LTBP1: variants seen among roughly 807,000 people sequenced by gnomAD.
LTBP1 encodes latent transforming growth factor beta binding protein 1.
Under a neutral mutation model 207.6 loss-of-function variants are expected in LTBP1, and 129 were observed. The observed-to-expected ratio is 0.62, with a 90% CI of 0.54 to 0.72. The LOEUF is 0.72. Among genes scored for constraint, LTBP1 ranks in the 30% least tolerant of loss-of-function variants. The pLI is 0.00. For missense variants in LTBP1, 2,281 were observed against 2,217.2 expected, an observed-to-expected ratio of 1.03 and a Z score of -0.58; for synonymous variants, 963 against 833.7, an observed-to-expected ratio of 1.16 and a Z score of -2.67.
intron 5 of LTBP1, among the ~76,000 whole-genome samples, chr2:33,160,027 C>A (rs765763402): frequency 6.6e-6 from 1 of 152,028 alleles, no homozygotes; most frequent in Non-Finnish European, 1.5e-5. Context: ...CATAGGCACC[C>A]GCCACCACAC....
intron 18 of LTBP1, among the ~76,000 whole-genome samples, chr2:33,277,829 CTTTTT>C (rs199950784): frequency 2.0e-4 from 17 of 85,108 alleles, no homozygotes; most frequent in South Asian, 3.8e-4. Context: ...TTCTTTCTTT[CTTTTT>C]TTTTTTTTTT....
intron 4 of LTBP1, among the ~76,000 whole-genome samples, chr2:33,130,619 C>T (rs1277274743): frequency 1.3e-5 from 2 of 152,212 alleles, no homozygotes; most frequent in East Asian, 3.9e-4. Flanking sequence ...ATCGGCTTCA[C>T]TTCCATCCCA....
chr2:33,227,951 C>T (rs778914767), intron 9 of LTBP1, among the ~76,000 whole-genome samples: 3 of 151,606 alleles, frequency 2.0e-5, no homozygotes, highest in African/African-American at 2.4e-5. Flanking sequence ...ACTATAGGCG[C>T]GCACCACCAT....
At chr2:32,974,336 C>T (rs934662504) in intron 2 of LTBP1, among the ~76,000 whole-genome samples, 3 of 152,164 alleles carry the variant, frequency 2.0e-5, no homozygotes, top group African/African-American at 7.2e-5. Context: ...ATTAGCATTT[C>T]TCTGATGATC....
chr2:33,237,041 G>A (rs1179015069), intron 9 of LTBP1, among the ~76,000 whole-genome samples: 3 of 152,138 alleles, frequency 2.0e-5, no homozygotes, highest in Non-Finnish European at 2.9e-5. Flanking sequence ...AGGGTGGTGG[G>A]TAGGCTTTTA....
chr2:33,081,389 G>A (rs1161864380), intron 3 of LTBP1, among the ~76,000 whole-genome samples: 1 of 151,996 alleles, frequency 6.6e-6, no homozygotes, highest in African/African-American at 2.4e-5. Flanking sequence ...GTGCCCACAT[G>A]TATGGACACA....
chr2:33,147,011 G>A (rs1309249711), intron 5 of LTBP1, among the ~76,000 whole-genome samples: 1 of 152,130 alleles, frequency 6.6e-6, no homozygotes, highest in Non-Finnish European at 1.5e-5. Flanking sequence ...AAGGAGAAGT[G>A]GATTCACCTG....
At chr2:33,299,548 T>A (rs1312291829) in intron 20 of LTBP1, among the ~76,000 whole-genome samples, 1 of 152,206 alleles carries the variant, frequency 6.6e-6, no homozygotes, top group Non-Finnish European at 1.5e-5. Flanking sequence ...GTCATGTAGG[T>A]GATGAAGATC....
chr2:33,345,939 G>T (rs898704128), intron 25 of LTBP1, among the ~76,000 whole-genome samples: 2 of 152,016 alleles, frequency 1.3e-5, no homozygotes, highest in African/African-American at 4.8e-5. Context: ...GAGGAAAGAG[G>T]GTAAAAAGCA....
chr2:33,351,149 A>G (rs2094776343), intron 26 of LTBP1, among the ~76,000 whole-genome samples: 2 of 152,228 alleles, frequency 1.3e-5, no homozygotes, highest in African/African-American at 2.4e-5. Context: ...AGTTTTCGCT[A>G]ATACAGTTCG....
chr2:33,120,167 TTCAA>T (rs1400507870), intron 4 of LTBP1, among the ~76,000 whole-genome samples: 1 of 152,210 alleles, frequency 6.6e-6, no homozygotes, highest in Admixed American at 6.5e-5. Context: ...CACACATATA[TTCAA>T]TCAAGTATAT....
At chr2:32,991,381 G>C (rs1421288144) in intron 2 of LTBP1, among the ~76,000 whole-genome samples, 4 of 152,136 alleles carry the variant, frequency 2.6e-5, no homozygotes, top group Admixed American at 2.6e-4. Context: ...TTGAAATATA[G>C]TTGTTTAACT....
At chr2:33,182,733 C>G (rs978464833) in intron 5 of LTBP1, among the ~76,000 whole-genome samples, 3 of 90,854 alleles carry the variant, frequency 3.3e-5, no homozygotes, top group Non-Finnish European at 7.2e-5. Context: ...CACACACACA[C>G]ACAGACATAT....
At chr2:33,190,939 G>A (rs1274774224) in intron 7 of LTBP1, among the ~76,000 whole-genome samples, 1 of 152,168 alleles carries the variant, frequency 6.6e-6, no homozygotes, top group East Asian at 1.9e-4. Flanking sequence ...TAAAGACAAT[G>A]TTTATGCTAA....
At chr2:33,034,479 T>C (rs1270927365) in intron 3 of LTBP1, among the ~76,000 whole-genome samples, 3 of 148,294 alleles carry the variant, frequency 2.0e-5, no homozygotes, top group African/African-American at 7.4e-5. Flanking sequence ...AAGCTATTAA[T>C]GTTTGGATTT....
intron 26 of LTBP1, among the ~76,000 whole-genome samples, chr2:33,354,175 A>G (rs1409262385): frequency 1.3e-5 from 2 of 152,198 alleles, no homozygotes; most frequent in Admixed American, 6.5e-5. Context: ...GCATGTACAC[A>G]TTTTTTAAAG....
chr2:33,160,793 T>TA (rs1173302963), intron 5 of LTBP1, among the ~76,000 whole-genome samples: 7 of 152,230 alleles, frequency 4.6e-5, no homozygotes, highest in African/African-American at 1.7e-4. Flanking sequence ...ACTCTATCTG[T>TA]TGCTGACCAG....
chr2:33,166,765 C>T (rs370381843), intron 5 of LTBP1, among the ~76,000 whole-genome samples: 20 of 152,154 alleles, frequency 1.3e-4, no homozygotes, highest in African/African-American at 4.8e-4. Context: ...CTGAACTTGA[C>T]ATACCAAGTT....
At chr2:33,331,501 C>G (rs1573876657) in intron 24 of LTBP1, among the ~76,000 whole-genome samples, 1 of 151,970 alleles carries the variant, frequency 6.6e-6, no homozygotes, top group African/African-American at 2.4e-5. Context: ...CACTTAATAT[C>G]CAGATGTTTG....
Sources: gnomAD v4.1 joint callset for allele counts (sites outside exome capture counted in the v4.1 genomes callset) on GRCh38, gnomAD v4.1.1 for gene constraint, MANE v1.5 for transcripts, NCBI Gene and HGNC (gene_info 2026-07-23, HGNC 2026-07-21) for gene names.